The following IFNGR1 variants were observed in gnomAD, a reference collection of about 807,000 sequenced individuals.
IFNGR1 encodes AVP, type 2.
Under a neutral mutation model 35.4 loss-of-function variants are expected in IFNGR1, and 23 were observed. That is an observed-to-expected ratio of 0.65 (90% confidence interval 0.47 to 0.92). The LOEUF is 0.92. Among genes scored for constraint, IFNGR1 ranks in the 40% least tolerant of loss-of-function variants. The pLI, the probability that IFNGR1 is intolerant of heterozygous loss-of-function variation, is 0.00. For missense variants in IFNGR1, 533 were observed against 583.4 expected (o/e 0.91, Z 0.89); for synonymous variants, 199 against 209.5 (o/e 0.95, Z 0.43).
At chr6:137,206,622 C>T in intron 2 of IFNGR1, 1 of 387,180 alleles carries the variant, frequency 2.6e-6, no homozygotes, top group African/African-American at 2.1e-5. Flanking sequence ...TAGAAGTAAG[C>T]ACATTAAAAA....
chr6:137,210,550 A>G (rs1391119169), intron 1 of IFNGR1, among the ~76,000 whole-genome samples: 1 of 152,252 alleles, frequency 6.6e-6, no homozygotes, highest in Non-Finnish European at 1.5e-5. Flanking sequence ...CCATGTGGAT[A>G]GGAACAGTGG....
At chr6:137,206,775 TAAGG>T (rs1458460160) in intron 2 of IFNGR1, 184 bp downstream of exon 2, 2 of 597,644 alleles carry the variant, frequency 3.3e-6, no homozygotes, top group Admixed American at 3.2e-5. Flanking sequence ...TCAATACTGA[TAAGG>T]AAGAGGAAAT....
In IFNGR1 at chr6:137,203,298, C is replaced by T. The variant is rs146852387; in HGVS notation, c.733+201G>A. Among the ~76,000 whole-genome samples the T allele has an allele frequency of 2.1e-3, 325 of 152,196 alleles. 2 individuals carry two copies. The highest frequency in any genetic ancestry group is 6.9e-3 in the African/African-American group (286 of 41,530). ...GGTCAAGGGGCCATCACATGGCTTTCCAAATTAGTTGTTCTATATCTTTAA... is the reference window on the plus strand; with the variant it reads ...GGTCAAGGGGCCATCACATGGCTTTTCAAATTAGTTGTTCTATATCTTTAA... On this transcript the variant is annotated intron_variant, in intron 5 of 6. Transcript: ENST00000367739.
At chr6:137,204,064 A>G (rs962430716) in intron 4 of IFNGR1, among the ~76,000 whole-genome samples, 3 of 152,186 alleles carry the variant, frequency 2.0e-5, no homozygotes, top group Non-Finnish European at 4.4e-5. Context: ...CCAGTGGAGC[A>G]ATGGAGGTGT....
intron 4 of IFNGR1, among the ~76,000 whole-genome samples, chr6:137,203,934 T>C (rs1240833268): frequency 6.6e-6 from 1 of 152,200 alleles, no homozygotes; most frequent in African/African-American, 2.4e-5. Context: ...TTATTGTTAG[T>C]TGTTAAACTA....
At chr6:137,211,878 C>G (rs368075168) in intron 1 of IFNGR1, among the ~76,000 whole-genome samples, 1 of 152,068 alleles carries the variant, frequency 6.6e-6, no homozygotes, top group Non-Finnish European at 1.5e-5. Context: ...CTTTTTCAAC[C>G]GGAAAACAGA....
intron 3 of IFNGR1, among the ~76,000 whole-genome samples, chr6:137,205,277 G>C (rs1779403737): frequency 6.6e-6 from 1 of 152,210 alleles, no homozygotes; most frequent in South Asian, 2.1e-4. Flanking sequence ...GAGAAAGGAA[G>C]TGAGGCTAGA....
intron 4 of IFNGR1, 115 bp from the exon 5 acceptor site, chr6:137,203,800 A>T (rs1467407603): frequency 1.2e-6 from 1 of 845,378 alleles, no homozygotes; most frequent in Non-Finnish European, 1.9e-6. Flanking sequence ...GATTGACTTG[A>T]ACATGTCTAA....
At chr6:137,213,586 T>C (rs1235044220) in intron 1 of IFNGR1, among the ~76,000 whole-genome samples, 1 of 151,924 alleles carries the variant, frequency 6.6e-6, no homozygotes, top group Admixed American at 6.5e-5. Context: ...AGACAGGATA[T>C]GAAAAAAGAG....
rs778813936 is a variant in IFNGR1 at position 137,216,917 on chromosome 6, T to C, written c.85+2326A>G. On this transcript the variant is annotated intron_variant, in intron 1 of 6. Coordinates refer to ENST00000367739, the MANE Select transcript of IFNGR1 (RefSeq NM_000416.3). ...CAAATTCAAAAGTTTCTGCAGAATA[T>C]AGAAGGCTGCAGTTGATCTTCCCAC... 5.3e-5 allele frequency among the ~76,000 whole-genome samples: 8 copies of C among 152,162 alleles called. No homozygotes were observed. The East Asian group carries it at 9.6e-4, about 18-fold the overall frequency.
At chr6:137,217,562 T>C (rs1170555248) in intron 1 of IFNGR1, among the ~76,000 whole-genome samples, 1 of 152,152 alleles carries the variant, frequency 6.6e-6, no homozygotes, top group African/African-American at 2.4e-5. Context: ...TCAGAAGCTG[T>C]CAGCATCCAT....
intron 6 of IFNGR1, 142 bp from the exon 7 acceptor site, chr6:137,198,781 A>T (rs1226683780): frequency 3.0e-6 from 2 of 670,938 alleles, no homozygotes; most frequent in Non-Finnish European, 2.6e-6. Context: ...ATTTCTTTTT[A>T]ATGAAAGGTC....
At chr6:137,209,679 C>T (rs984149460) in intron 1 of IFNGR1, among the ~76,000 whole-genome samples, 4 of 152,188 alleles carry the variant, frequency 2.6e-5, no homozygotes, top group African/African-American at 9.7e-5. Context: ...TCTTCCCAGC[C>T]TTGGGTATGT....
At chr6:137,207,549 T>C (rs1024813355) in intron 1 of IFNGR1, among the ~76,000 whole-genome samples, 22 of 152,134 alleles carry the variant, frequency 1.4e-4, no homozygotes, top group Non-Finnish European at 3.2e-4. Flanking sequence ...GGAGAGGTAA[T>C]TGAATCATGG....
At position 137,206,966 on chromosome 6, in the gene IFNGR1, T is replaced by A. The variant is rs867775070; in HGVS notation, c.197A>T (p.Tyr66Phe). ...VPVFTVEVKNYGVKNSEWIDA... is the reference protein window; with the variant it reads ...VPVFTVEVKNFGVKNSEWIDA... ...TAAATAAAAGAGTGACACTCACCCA[T>A]AGTTCTTTACCTCTACGGTAAAAAC... is the stretch of plus-strand genomic sequence containing the variant. The change falls in exon 2 of 7, where the codon TAT becomes TTT. Residue 66 changes from tyrosine (Y) to phenylalanine (F), a missense_variant. Coordinates refer to ENST00000367739, the MANE Select transcript of IFNGR1 (RefSeq NM_000416.3). The A allele has an allele frequency of 6.2e-7, 1 of 1,600,812 alleles. No homozygotes were observed.
At chr6:137,204,930 A>G (rs1779395568) in intron 3 of IFNGR1, among the ~76,000 whole-genome samples, 2 of 152,214 alleles carry the variant, frequency 1.3e-5, no homozygotes, top group Non-Finnish European at 2.9e-5. Flanking sequence ...AACTCTTTTT[A>G]CTGTGAAAAA....
rs960754424 is a variant in IFNGR1, at chr6:137,203,393, T to C, written c.733+106A>G. On this transcript the variant is annotated intron_variant, in intron 5 of 6. Coordinates refer to ENST00000367739, the MANE Select transcript of IFNGR1 (RefSeq NM_000416.3). ...GAATGGAACTAATGCAAATGAATATTGTTAAAACAGATCTTTTGAAACTGC... is the reference window on the plus strand; with the variant it reads ...GAATGGAACTAATGCAAATGAATATCGTTAAAACAGATCTTTTGAAACTGC... 1.5e-5 allele frequency: 11 copies of C among 731,484 alleles called. No individual in the cohort carries two copies. In the African/African-American group the frequency reaches 1.7e-4, roughly 12 times the overall value. The allele number at this position is 731,484 out of a possible 1,614,324, so 45.3% of individuals were successfully genotyped here.
intron 6 of IFNGR1, among the ~76,000 whole-genome samples, chr6:137,199,714 A>G (rs917340210): frequency 4.1e-4 from 60 of 147,426 alleles, no homozygotes; most frequent in African/African-American, 1.4e-3. Flanking sequence ...TATGTTTACA[A>G]AGTGGGCACA....
intron 1 of IFNGR1, chr6:137,209,754 T>C: frequency 2.5e-6 from 1 of 398,528 alleles, no homozygotes; most frequent in Non-Finnish European, 4.4e-6. Context: ...ACAATGAGGA[T>C]GGCCAATTTC....
Sources: allele counts gnomAD v4.1 joint callset (sites outside exome capture counted in the v4.1 genomes callset), GRCh38; gene constraint gnomAD v4.1.1; transcripts MANE v1.5; gene names NCBI Gene and HGNC (gene_info 2026-07-23, HGNC 2026-07-21).